ATP6V1H: variants seen among roughly 807,000 people sequenced by gnomAD.
ATP6V1H encodes ATPase H+ transporting V1 subunit H, also known as V-type proton ATPase subunit H.
A neutral mutation model predicts 71.7 loss-of-function variants in ATP6V1H; 39 were observed. The ratio of observed to expected loss-of-function variants is 0.54; its 90% CI spans 0.42 to 0.71. ATP6V1H has a LOEUF of 0.71. Among genes scored for constraint, ATP6V1H ranks in the 30% least tolerant of loss-of-function variants. ATP6V1H has a pLI of 0.00. For missense variants in ATP6V1H, 509 were observed against 594.9 expected (o/e 0.86, Z 1.50); for synonymous variants, 192 against 199.3 (o/e 0.96, Z 0.31).
intron 2 of ATP6V1H, among the ~76,000 whole-genome samples, chr8:53,837,851 C>A (rs937060476): frequency 1.1e-4 from 17 of 152,158 alleles, no homozygotes; most frequent in Non-Finnish European, 2.9e-5. Context: ...ACCGCAGACA[C>A]AGGATCGCAC....
intron 10 of ATP6V1H, among the ~76,000 whole-genome samples, chr8:53,770,830 AG>A (rs1808628325): frequency 6.6e-6 from 1 of 152,236 alleles, no homozygotes; most frequent in Non-Finnish European, 1.5e-5. Context: ...ACCAGTCATC[AG>A]TTTTTAATAA....
intron 13 of ATP6V1H, among the ~76,000 whole-genome samples, chr8:53,737,326 A>G (rs1807253439): frequency 6.6e-6 from 1 of 152,132 alleles, no homozygotes; most frequent in African/African-American, 2.4e-5. Flanking sequence ...CCTGTCTGTA[A>G]TTAGAGACAA....
chr8:53,822,514 A>T (rs536443458), intron 4 of ATP6V1H, among the ~76,000 whole-genome samples: 1 of 152,294 alleles, frequency 6.6e-6, no homozygotes, highest in East Asian at 1.9e-4. Context: ...AAGGGATATA[A>T]ATACAAAGAT....
intron 12 of ATP6V1H, among the ~76,000 whole-genome samples, chr8:53,755,167 C>G (rs1380575946): frequency 2.0e-5 from 3 of 152,144 alleles, no homozygotes; most frequent in Non-Finnish European, 4.4e-5. Context: ...GAGGAAAGCT[C>G]TAGAGGCAGT....
At chr8:53,817,237 TA>T (rs35983124) in intron 5 of ATP6V1H, among the ~76,000 whole-genome samples, 179 bp downstream of exon 5, 18,744 of 144,002 alleles carry the variant, frequency 0.13, 1,717 homozygotes, top group East Asian at 0.45. Flanking sequence ...TCTTTGTATT[TA>T]AAAAAAAAAA....
chr8:53,806,967 C>T, intron 7 of ATP6V1H: 1 of 410,820 alleles, frequency 2.4e-6, no homozygotes, highest in Non-Finnish European at 4.9e-6. Context: ...GTTGGACCAT[C>T]GTAGGGCAGG....
At chr8:53,781,491 G>A (rs989832182) in intron 9 of ATP6V1H, among the ~76,000 whole-genome samples, 2 of 152,186 alleles carry the variant, frequency 1.3e-5, no homozygotes, top group African/African-American at 4.8e-5. Context: ...TCTGTGGGTT[G>A]CCTGTTCACT....
chr8:53,798,950 T>G (rs1013842116), intron 8 of ATP6V1H, among the ~76,000 whole-genome samples: 4 of 152,164 alleles, frequency 2.6e-5, no homozygotes, highest in Non-Finnish European at 5.9e-5. Context: ...ACAGCAGCAT[T>G]TGTTGTACTC....
rs149765097 is a variant in ATP6V1H, at chr8:53,818,267, T to A, written c.307-737A>T. ...TTTTCTGATTAAACTTTTATTAATT[T>A]ATTTATTTATTTTATTTCCATAGGT... On this transcript the variant is annotated intron_variant, in intron 4 of 13. Transcript: ENST00000359530. Among the ~76,000 whole-genome samples the A allele has an allele frequency of 1.6e-4, 24 of 151,598 alleles. 1 individual carries two copies. The East Asian group carries it at 2.7e-3, about 17-fold the overall frequency.
rs1211560941 is a variant in ATP6V1H, at chr8:53,715,952, C to A, written c.*12G>T. On this transcript the variant is annotated 3_prime_UTR_variant, in exon 14 of 14. Transcript: ENST00000359530. ...TTCTGCATTGAGGCGGAGGGGAAGG[C>A]CAGAGGCAGGCTTAGCTTCGGGCGG... 26 of 1,607,580 alleles carry A rather than the reference C, an allele frequency of 1.6e-5. No individual in the cohort carries two copies. Among genetic ancestry groups the A allele is most frequent in the Non-Finnish European group, 2.0e-5 (24 of 1,177,446 alleles).
At chr8:53,791,686 T>C (rs1317341242) in intron 9 of ATP6V1H, among the ~76,000 whole-genome samples, 1 of 152,082 alleles carries the variant, frequency 6.6e-6, no homozygotes, top group Non-Finnish European at 1.5e-5. Context: ...TCTCCTCACA[T>C]CCCCGTTCAA....
chr8:53,809,841 G>C (rs149097632), intron 7 of ATP6V1H, among the ~76,000 whole-genome samples: 168 of 152,170 alleles, frequency 1.1e-3, no homozygotes, highest in African/African-American at 3.6e-3. Flanking sequence ...ATTGAGAAAC[G>C]AGGCTTCTTA....
intron 11 of ATP6V1H, among the ~76,000 whole-genome samples, chr8:53,765,653 T>G (rs1026336811): frequency 6.6e-6 from 1 of 151,996 alleles, no homozygotes; most frequent in Non-Finnish European, 1.5e-5. Context: ...TAAACAGATA[T>G]TCCACGTTCA....
chr8:53,769,739 A>G lies in ATP6V1H; in HGVS notation c.1054T>C (p.Phe352Leu). ...LGESVQDLSS[F>L]DEYSSELKSG... ...TTAAGTTCTGAACTGTATTCATCAA[A>G]TGAACTATAAAAATGTTCAAAAGAA... Residue 352 changes from phenylalanine (F) to leucine (L), a missense_variant, in exon 11 of 14, where the codon TTT becomes CTT. Phe to Leu is a conservative substitution (Grantham distance 22, BLOSUM62 0). Transcript: ENST00000359530. 1 of 1,600,772 alleles carries G rather than the reference A, an allele frequency of 6.2e-7. No homozygotes were observed. Among genetic ancestry groups the G allele is most frequent in the Non-Finnish European group, 8.5e-7 (1 of 1,174,742 alleles).
chr8:53,727,488 T>C (rs923856052), intron 13 of ATP6V1H, among the ~76,000 whole-genome samples: 6 of 152,218 alleles, frequency 3.9e-5, no homozygotes, highest in African/African-American at 1.4e-4. Context: ...TCAGAGTCCA[T>C]GGCAGCAGGT....
chr8:53,743,824 T>C (rs544512436), intron 12 of ATP6V1H, 134 bp from the exon 13 acceptor site: 4 of 595,740 alleles, frequency 6.7e-6, no homozygotes, highest in Non-Finnish European at 1.2e-5. Context: ...GTGTCTTTTT[T>C]TACATCATTT....
chr8:53,833,355 T>A (rs1252994257), intron 2 of ATP6V1H, among the ~76,000 whole-genome samples: 1 of 152,140 alleles, frequency 6.6e-6, no homozygotes, highest in African/African-American at 2.4e-5. Context: ...AAAATTAAAT[T>A]CACATAAGGT....
chr8:53,773,628 A>G (rs1808755645), intron 9 of ATP6V1H, among the ~76,000 whole-genome samples: 1 of 152,208 alleles, frequency 6.6e-6, no homozygotes, highest in Non-Finnish European at 1.5e-5. Context: ...AAGCTGGAAA[A>G]CCATGAACAC....
intron 12 of ATP6V1H, among the ~76,000 whole-genome samples, chr8:53,747,562 T>C (rs1198618801): frequency 6.6e-6 from 1 of 150,798 alleles, no homozygotes; most frequent in Non-Finnish European, 1.5e-5. Flanking sequence ...TTTTTTGAGA[T>C]GGAGACTCGC....
Sources: allele counts gnomAD v4.1 joint callset (sites outside exome capture counted in the v4.1 genomes callset), GRCh38; gene constraint gnomAD v4.1.1; transcripts MANE v1.5; gene names NCBI Gene and HGNC (gene_info 2026-07-23, HGNC 2026-07-21).